The following PAK3 variants were observed in gnomAD, a reference collection of about 807,000 sequenced individuals.
PAK3 encodes the protein p21 (RAC1) activated kinase 3.
PAK3 carries 4 observed loss-of-function variants against 41.0 expected under a neutral mutation model. The ratio of observed to expected loss-of-function variants is 0.10; its 90% CI spans 0.05 to 0.22. The LOEUF (loss-of-function observed/expected upper bound fraction) is 0.22, where lower values mean the gene tolerates loss of function less well. Among genes scored for constraint, PAK3 ranks in the 10% least tolerant of loss-of-function variants. The pLI, the probability that PAK3 is intolerant of heterozygous loss-of-function variation, is 1.00. For synonymous variants in PAK3, 146 were observed against 139.6 expected (o/e 1.05, Z -0.32); for missense variants, 205 against 409.9 (o/e 0.50, Z 4.32).
chrX:111,010,845 A>T (rs1044282351), intron 1 of PAK3, among the ~76,000 whole-genome samples: 5 of 112,067 alleles, frequency 4.5e-5, no homozygotes, highest in Non-Finnish European at 7.5e-5. Flanking sequence ...GGTCTAGCGC[A>T]CTAGCCAACT....
At chrX:111,176,765 C>T (rs2094409799) in intron 11 of PAK3, among the ~76,000 whole-genome samples, 2 of 110,903 alleles carry the variant, frequency 1.8e-5, no homozygotes. Context: ...TGCCCATTTT[C>T]ACACACACCC....
intron 4 of PAK3, among the ~76,000 whole-genome samples, chrX:111,122,284 T>G (rs1440375097): frequency 1.3e-5 from 1 of 77,835 alleles, no homozygotes; most frequent in Non-Finnish European, 2.5e-5. Flanking sequence ...AAAAAAAGAA[T>G]AATGAAATTC....
intron 1 of PAK3, among the ~76,000 whole-genome samples, chrX:110,963,325 T>A (rs923683107): frequency 1.8e-5 from 2 of 112,265 alleles, no homozygotes; most frequent in African/African-American, 6.5e-5. Flanking sequence ...TGGGAACTAA[T>A]TCCCAGTGAG....
At chrX:111,203,114 C>A (rs901173212) in intron 16 of PAK3, among the ~76,000 whole-genome samples, 4 of 111,649 alleles carry the variant, frequency 3.6e-5, no homozygotes, top group Admixed American at 9.5e-5. Flanking sequence ...TGTCAAATAT[C>A]AATGTGGCAA....
intron 4 of PAK3, among the ~76,000 whole-genome samples, chrX:111,116,230 C>A (rs2093461009): frequency 9.0e-6 from 1 of 111,086 alleles, no homozygotes; most frequent in African/African-American, 3.3e-5. Flanking sequence ...AGTTTTGCTT[C>A]TCTTTTCTTT....
chrX:111,084,525 A>G (rs932421243), intron 1 of PAK3, among the ~76,000 whole-genome samples: 42 of 112,092 alleles, frequency 3.7e-4, no homozygotes, highest in Non-Finnish European at 6.0e-4. Context: ...GTCCTTATTG[A>G]TTTTCATATT....
At chrX:111,120,280 T>C (rs2093546233) in intron 4 of PAK3, among the ~76,000 whole-genome samples, 1 of 111,984 alleles carries the variant, frequency 8.9e-6, no homozygotes, top group Non-Finnish European at 1.9e-5. Context: ...TGGTCAGGGA[T>C]TTTTAGTGCA....
rs377015001 is a variant in PAK3 at position 111,220,385 on chromosome X, C to G, written c.1573C>G (p.Leu525Val). 7 of 1,201,494 alleles carry G rather than the reference C, an allele frequency of 5.8e-6. No individual in the cohort carries two copies. Among genetic ancestry groups the G allele is most frequent in the Non-Finnish European group, 7.9e-6 (7 of 887,960 alleles). ...QHPFLKLAKP[L>V]SSLTPLIIAA... ...TCCATTTTTAAAATTAGCCAAGCCT[C>G]TCTCCAGCCTGACTCCTCTGATTAT... The change falls in exon 18 of 18, where the codon CTC becomes GTC. Residue 525 changes from leucine (L) to valine (V), a missense_variant. This residue lies in a region of PAK3 where 40 missense variants were observed against 54.4 expected (regional missense o/e 0.74). Transcript: ENST00000372007.
At chrX:111,102,399 G>A (rs1401832541) in intron 3 of PAK3, among the ~76,000 whole-genome samples, 6 of 112,424 alleles carry the variant, frequency 5.3e-5, no homozygotes. Flanking sequence ...GGAGAAGGTA[G>A]AGGGAAGCTC....
intron 17 of PAK3, chrX:111,217,584 A>T (rs887467385): frequency 2.1e-6 from 2 of 959,251 alleles, no homozygotes; most frequent in Non-Finnish European, 2.7e-6. Flanking sequence ...AAACTATCCC[A>T]CCCTAACTCA....
chrX:111,080,936 T>C (rs1352680199), intron 1 of PAK3, among the ~76,000 whole-genome samples: 1 of 111,524 alleles, frequency 9.0e-6, no homozygotes, highest in African/African-American at 3.3e-5. Context: ...TGTGACAACA[T>C]GGATGAACCT....
intron 10 of PAK3, among the ~76,000 whole-genome samples, chrX:111,170,818 A>C (rs1263836055): frequency 9.0e-6 from 1 of 111,615 alleles, no homozygotes; most frequent in Non-Finnish European, 1.9e-5. Context: ...CATTACTAGG[A>C]TATAAAGTAG....
chrX:111,032,214 G>C (rs1054311582), intron 1 of PAK3, among the ~76,000 whole-genome samples: 1 of 112,090 alleles, frequency 8.9e-6, no homozygotes, highest in Non-Finnish European at 1.9e-5. Context: ...AGAAAGTAAG[G>C]AATAACACAT....
At chrX:111,039,498 C>T (rs1162031141) in intron 1 of PAK3, among the ~76,000 whole-genome samples, 1 of 111,697 alleles carries the variant, frequency 9.0e-6, no homozygotes. Flanking sequence ...ATCCATTCAT[C>T]CACCCTCCAC....
intron 1 of PAK3, among the ~76,000 whole-genome samples, chrX:111,004,901 T>C (rs2091899466): frequency 8.9e-6 from 1 of 112,180 alleles, no homozygotes; most frequent in Admixed American, 9.4e-5. Flanking sequence ...ATGATCTCAT[T>C]TGGCACATTA....
chrX:111,212,098 A>G (rs764172941), intron 16 of PAK3, among the ~76,000 whole-genome samples: 1 of 111,523 alleles, frequency 9.0e-6, no homozygotes, highest in South Asian at 3.8e-4. Flanking sequence ...AGCGGGGAAG[A>G]TTGCTGGGTG....
At chrX:111,107,658 C>T (rs921063347) in intron 4 of PAK3, among the ~76,000 whole-genome samples, 3 of 111,851 alleles carry the variant, frequency 2.7e-5, no homozygotes, top group African/African-American at 6.5e-5. Context: ...CCCAAGCTGC[C>T]ATTTGGTATG....
intron 16 of PAK3, among the ~76,000 whole-genome samples, chrX:111,204,483 G>C (rs1055729351): frequency 9.0e-6 from 1 of 111,137 alleles, no homozygotes; most frequent in East Asian, 2.8e-4. Context: ...TGTGATGATC[G>C]GCATTTGCGC....
chrX:111,166,013 G>A (rs2094250586), intron 10 of PAK3, among the ~76,000 whole-genome samples: 1 of 110,612 alleles, frequency 9.0e-6, no homozygotes, highest in South Asian at 3.9e-4. Flanking sequence ...TGGGCATAGA[G>A]AGAGTCATTT....
Sources: gnomAD v4.1 joint callset for allele counts (sites outside exome capture counted in the v4.1 genomes callset) on GRCh38, gnomAD v4.1.1 for gene constraint, gnomAD v4.1.1 regional missense constraint, MANE v1.5 for transcripts, NCBI Gene and HGNC (gene_info 2026-07-23, HGNC 2026-07-21) for gene names.